The following LHX3 variants were observed in gnomAD, a reference collection of about 807,000 sequenced individuals.
The protein encoded by LHX3 is LIM/homeobox protein Lhx3.
LHX3 carries 21 observed loss-of-function variants against 32.4 expected under a neutral mutation model. The ratio of observed to expected loss-of-function variants is 0.65; its 90% CI spans 0.46 to 0.93. The LOEUF (loss-of-function observed/expected upper bound fraction) is 0.93. LHX3 is among the 40% of genes least tolerant of loss of function. LHX3 has a pLI of 0.00. For missense variants in LHX3, 626 were observed against 560.0 expected (o/e 1.12, Z -1.19); for synonymous variants, 258 against 246.8 (o/e 1.05, Z -0.43).
Position 136,197,263 on chromosome 9 carries a change from C to A in LHX3, c.*62G>T. On this transcript the variant is annotated 3_prime_UTR_variant, in exon 6 of 6. Transcript: ENST00000371748. The stretch of plus-strand genomic sequence containing the variant: ...CCACTTCCTCGGAAACCCCAGCAGC[C>A]CCGAGCCGCCCACCCAGGGGCAGCT... 4 of 1,578,410 alleles carry A rather than the reference C, an allele frequency of 2.5e-6. No individual in the cohort carries two copies. Among genetic ancestry groups the A allele is most frequent in the East Asian group, 2.3e-5 (1 of 44,338 alleles).
chr9:136,197,373 AGGGAAGTCGG>A lies in LHX3; in HGVS notation c.1136_1145del (p.Pro379LeufsTer11). ...CATCCAGCCAGGAGGCGGGGCTGGC[AGGGAAGTCGG>A]GGTAACCCCCGCTGCTCCCCGTGGA... On this transcript the variant is annotated frameshift_variant, in exon 6 of 6. Coordinates refer to ENST00000371748, the MANE Select transcript of LHX3 (RefSeq NM_178138.6). LOFTEE classifies it high-confidence loss of function. 6.2e-7 allele frequency: 1 copy of A among 1,612,006 alleles called. No homozygotes were observed. The highest frequency in any genetic ancestry group is 8.5e-7 in the Non-Finnish European group (1 of 1,179,852).
In LHX3 at chr9:136,203,181, G is replaced by A. The variant is rs1831687602; in HGVS notation, c.79+1753C>T. ...GCGCCCGCGGGCCGCCCTGGGGCCC[G>A]GAGCCTCTGGCCGAGCGGAGGGCGG... On this transcript the variant is annotated intron_variant, in intron 1 of 5. Transcript: ENST00000371748. The A allele has an allele frequency of 1.1e-5, 13 of 1,223,142 alleles. No individual in the cohort carries two copies. In the South Asian group the frequency reaches 2.6e-4, roughly 25 times the overall value. The allele number at this position is 1,223,142 out of a possible 1,614,324, so 75.8% of individuals were successfully genotyped here.
In LHX3 at chr9:136,202,973, G is replaced by A. The variant is rs965637167; in HGVS notation, c.79+1961C>T. On this transcript the variant is annotated intron_variant, in intron 1 of 5. Coordinates refer to ENST00000371748, the MANE Select transcript of LHX3 (RefSeq NM_178138.6). ...CGGCGCAGGTCCGCCCTCCGCGCCA[G>A]CAGTGCTAGCAGCAGGTCGCCTCCC... 1 of 1,530,012 alleles carries A rather than the reference G, an allele frequency of 6.5e-7. No homozygotes were observed. Among genetic ancestry groups the A allele is most frequent in the South Asian group, 1.2e-5 (1 of 83,710 alleles). The allele number at this position is 1,530,012 out of a possible 1,614,324, so 94.8% of individuals were successfully genotyped here.
At chr9:136,201,586 G>A (rs1389776948) in intron 1 of LHX3, 1 of 1,036,188 alleles carries the variant, frequency 9.7e-7, no homozygotes, top group Non-Finnish European at 1.2e-6. Flanking sequence ...TGGAAGAGAG[G>A]AGTGCCCGCT....
chr9:136,203,266 G>A (rs1189788395), intron 1 of LHX3: 1 of 402,064 alleles, frequency 2.5e-6, no homozygotes, highest in Non-Finnish European at 3.4e-6. Context: ...AGACCAGCCC[G>A]GGCCACTGCG....
chr9:136,202,538 T>C (rs116784439), intron 1 of LHX3, among the ~76,000 whole-genome samples: 2,256 of 152,262 alleles, frequency 0.015, 58 homozygotes, highest in African/African-American at 0.052. Context: ...AGCTCGACCT[T>C]GGCCCCTGCA....
chr9:136,199,192 G>C (rs1202940788), intron 3 of LHX3, 133 bp from the exon 4 acceptor site: 10 of 455,640 alleles, frequency 2.2e-5, no homozygotes, highest in Non-Finnish European at 3.5e-6. Context: ...CAGGCTTCTC[G>C]GAAGGCGCGG....
chr9:136,204,603 C>T (rs1314397503), intron 1 of LHX3, among the ~76,000 whole-genome samples: 2 of 152,154 alleles, frequency 1.3e-5, no homozygotes, highest in African/African-American at 4.8e-5. Flanking sequence ...GAGACCTGGG[C>T]CGGGCTGTGT....
At chr9:136,199,545 C>T in intron 3 of LHX3, 133 bp downstream of exon 3, 1 of 965,442 alleles carries the variant, frequency 1.0e-6, no homozygotes, top group South Asian at 1.4e-5. Flanking sequence ...CTTCCTGCTG[C>T]CTACACCGCC....
Position 136,197,716 on chromosome 9 carries a change from G to C in LHX3, c.803C>G (p.Pro268Arg), listed in dbSNP as rs368394827. The C allele has an allele frequency of 1.7e-5, 28 of 1,604,434 alleles. No homozygotes were observed. The highest frequency in any genetic ancestry group is 4.0e-5 in the African/African-American group (3 of 74,936). The change falls in exon 6 of 6, where the codon CCG becomes CGG. Residue 268 changes from proline to arginine, a missense_variant. Transcript: ENST00000371748. ...CAAGCTCCCGTAGAGGCCATTGGCC[G>C]GGCCCATTTCCGCCAAGGAAGGCTC... Reference protein sequence around the residue: ...PDEPSLAEMGPANGLYGSLGE... With the variant: ...PDEPSLAEMGRANGLYGSLGE...
At chr9:136,203,159 C>A (rs1453056537) in intron 1 of LHX3, 3 of 1,312,588 alleles carry the variant, frequency 2.3e-6, no homozygotes, top group Non-Finnish European at 2.9e-6. Context: ...GGGCGCTGCG[C>A]CCGCGGGCCG....
chr9:136,197,383 G>T lies in LHX3; in HGVS notation c.1136C>A (p.Pro379His). The change falls in exon 6 of 6, where the codon CCC (proline) becomes CAC (histidine). Residue 379 changes from proline (P) to histidine (H), a missense_variant. By Grantham distance (77) the Pro-to-His change is moderately conservative. Coordinates refer to ENST00000371748, the MANE Select transcript of LHX3 (RefSeq NM_178138.6). ...GGAGGCGGGGCTGGCAGGGAAGTCGGGGTAACCCCCGCTGCTCCCCGTGGA... is the reference window on the plus strand; with the variant it reads ...GGAGGCGGGGCTGGCAGGGAAGTCGTGGTAACCCCCGCTGCTCCCCGTGGA... ...DLSTGSSGGY[P>H]DFPASPASWL... 6.2e-7 allele frequency: 1 copy of T among 1,611,796 alleles called. No individual in the cohort carries two copies. The highest frequency in any genetic ancestry group is 8.5e-7 in the Non-Finnish European group (1 of 1,179,776).
chr9:136,197,448 G>A lies in LHX3; in HGVS notation c.1071C>T (p.Pro357=), dbSNP rs1166382508. The part of the protein sequence containing the change: ...VPSGAPGGPP[P]MRVLAGNGPS... ...GTCCGTTCCCTGCCAGCACCCTCAT[G>A]GGTGGGGGCCCGCCGGGGGCTCCCG... Residue 357 remains proline, a synonymous_variant, in exon 6 of 6, where the codon CCC becomes CCT. Transcript: ENST00000371748. The A allele has an allele frequency of 1.3e-6, 2 of 1,586,600 alleles. No homozygotes were observed. Among genetic ancestry groups the A allele is most frequent in the Admixed American group, 3.6e-5 (2 of 55,882 alleles).
Position 136,199,865 on chromosome 9 carries a change from C to G in LHX3, c.267G>C (p.Lys89Asn). Residue 89 changes from lysine to asparagine, a missense_variant, in exon 3 of 6, where the codon AAG (lysine) becomes AAC (asparagine). Transcript: ENST00000371748. Reference protein sequence around the residue: ...KDDFFKRFGTKCAACQLGIPP... With the variant: ...KDDFFKRFGTNCAACQLGIPP... Reference sequence around the variant, plus strand: ...GGATGCCCAGCTGGCACGCGGCGCACTTGGTCCCGAAGCGCCTGCGGGACG... The same window carrying G: ...GGATGCCCAGCTGGCACGCGGCGCAGTTGGTCCCGAAGCGCCTGCGGGACG... The G allele has an allele frequency of 6.3e-7, 1 of 1,597,316 alleles. No individual in the cohort carries two copies. Among genetic ancestry groups the G allele is most frequent in the Non-Finnish European group, 8.5e-7 (1 of 1,172,464 alleles).
rs772407584 is a variant in LHX3, at chr9:136,198,846, C to T, written c.607-26G>A. The T allele has an allele frequency of 5.6e-6, 9 of 1,597,892 alleles. No individual in the cohort carries two copies. The African/African-American group carries it at 1.2e-4, about 21-fold the overall frequency. On this transcript the variant is annotated intron_variant, in intron 4 of 5. Coordinates refer to ENST00000371748, the MANE Select transcript of LHX3 (RefSeq NM_178138.6). ...CTGGGGGCGGGGCGGGGTGAGCGGC[C>T]GCCCGGCTCTGCGGGGGCCCCCAAG...
In LHX3 at chr9:136,198,752, C is replaced by T. The variant is rs779745332; in HGVS notation, c.675G>A (p.Gly225=). 5 of 1,611,226 alleles carry T rather than the reference C, an allele frequency of 3.1e-6. No individual in the cohort carries two copies. The highest frequency in any genetic ancestry group is 1.3e-5 in the African/African-American group (1 of 74,884). The change falls in exon 5 of 6, where the codon GGG becomes GGA. Residue 225 remains glycine, a synonymous_variant. Coordinates refer to ENST00000371748, the MANE Select transcript of LHX3 (RefSeq NM_178138.6). ...LKKDAGRQRW[G]QYFRNMKRSR... is the part of the protein sequence containing the mutation. ...AGCGCTTCATGTTGCGGAAATACTG[C>T]CCCCAGCGCTGCCGGCCGGCGTCCT...
At chr9:136,199,571 T>A in intron 3 of LHX3, 107 bp downstream of exon 3, 2 of 1,236,082 alleles carry the variant, frequency 1.6e-6, no homozygotes, top group Non-Finnish European at 2.3e-6. Context: ...CCAGGCCCCC[T>A]TAGTGAGCGC....
rs551758960 is a variant in LHX3 at position 136,199,055 on chromosome 9, G to A, written c.459C>T (p.Ala153=). The A allele has an allele frequency of 1.2e-5, 19 of 1,543,862 alleles. No homozygotes were observed. In the Admixed American group the frequency reaches 3.2e-4, roughly 26 times the overall value. The change falls in exon 4 of 6, where the codon GCC becomes GCT. Residue 153 remains alanine, a synonymous_variant. Transcript: ENST00000371748. ...TGCGCGGCCGCTTGGCCGTGGCCTC[G>A]GCCTCTGCGCGGCGGGCGAGCGGTG... ...ADYETAKQRE[A]EATAKRPRTT...
intron 2 of LHX3, chr9:136,200,218 C>T (rs1457740838): frequency 1.8e-6 from 1 of 557,252 alleles, no homozygotes; most frequent in Non-Finnish European, 3.2e-6. Context: ...GCCAGAGCCG[C>T]TGGGTGCCAG....
Sources: allele counts gnomAD v4.1 joint callset (sites outside exome capture counted in the v4.1 genomes callset), GRCh38; gene constraint gnomAD v4.1.1; transcripts MANE v1.5; gene names NCBI Gene and HGNC (gene_info 2026-07-23, HGNC 2026-07-21).